The following NAALADL2 variants were observed in gnomAD, a reference collection of about 807,000 sequenced individuals.
The protein encoded by NAALADL2 is inactive N-acetylated-alpha-linked acidic dipeptidase-like protein 2.
In NAALADL2, 76 loss-of-function variants were observed where a neutral mutation model predicts 87.2. That is an observed-to-expected ratio of 0.87 (90% CI 0.72 to 1.05). The LOEUF (loss-of-function observed/expected upper bound fraction) is 1.05, where lower values mean the gene tolerates loss of function less well. Among genes scored for constraint, NAALADL2 ranks in the 50% least tolerant of loss-of-function variants. The pLI is 0.00. For missense variants in NAALADL2, 1,089 were observed against 945.8 expected (o/e 1.15, Z -1.99); for synonymous variants, 354 against 331.0 (o/e 1.07, Z -0.75).
At chr3:175,277,465 G>C (rs1279832039) in intron 4 of NAALADL2, among the ~76,000 whole-genome samples, 1 of 152,008 alleles carries the variant, frequency 6.6e-6, no homozygotes, top group Non-Finnish European at 1.5e-5. Flanking sequence ...AAACCAATAC[G>C]GGACAGTGAA....
chr3:174,890,834 T>TA (rs1730788105), intron 1 of NAALADL2, among the ~76,000 whole-genome samples: 2 of 152,160 alleles, frequency 1.3e-5, no homozygotes, highest in Non-Finnish European at 1.5e-5. Context: ...AGGAAAATCA[T>TA]AAAAAATATT....
upstream of NAALADL2, among the ~76,000 whole-genome samples, chr3:174,855,999 T>TG (rs1725828568): frequency 3.0e-5 from 4 of 131,928 alleles, no homozygotes; most frequent in African/African-American, 8.5e-5. Flanking sequence ...TATATATATA[T>TG]ATATGAGAGA....
At chr3:175,756,971 A>G in intron 13 of NAALADL2, among the ~76,000 whole-genome samples, 1 of 151,254 alleles carries the variant, frequency 6.6e-6, no homozygotes, top group Middle Eastern at 3.6e-3. Flanking sequence ...TATAATATAC[A>G]TATGTATATA....
chr3:174,514,516 T>A lies in NAALADL2; in HGVS notation c.-183-36053T>A, dbSNP rs188044969. Among the ~76,000 whole-genome samples, 522 of 152,328 alleles carry A rather than the reference T, an allele frequency of 3.4e-3. 8 individuals carry two copies. Among genetic ancestry groups the A allele is most frequent in the African/African-American group, 0.012 (491 of 41,582 alleles). ...CAAGGATTATGTATGTTTTTATTTG[T>A]TTCACTATCAAGAGAGTTGACTAAT... is the stretch of plus-strand genomic sequence containing the variant. On this transcript the variant is annotated intron_variant, in intron 1 of 3. Transcript: ENST00000434257.
At chr3:174,954,310 C>T (rs1421880112) in intron 1 of NAALADL2, among the ~76,000 whole-genome samples, 1 of 152,032 alleles carries the variant, frequency 6.6e-6, no homozygotes. Context: ...AACTTGAATG[C>T]AACTGTTTGT....
intron 1 of NAALADL2, among the ~76,000 whole-genome samples, chr3:174,899,958 C>A (rs981271328): frequency 1.9e-4 from 29 of 151,810 alleles, no homozygotes; most frequent in African/African-American, 5.8e-4. Flanking sequence ...AGTGTAGGTT[C>A]TTTAAATAAA....
intron 5 of NAALADL2, among the ~76,000 whole-genome samples, chr3:175,328,473 G>A (rs1349407617): frequency 1.3e-5 from 2 of 151,874 alleles, no homozygotes; most frequent in African/African-American, 2.4e-5. Flanking sequence ...GAGGCAGAGA[G>A]TGTTTCGTAG....
intron 1 of NAALADL2, among the ~76,000 whole-genome samples, chr3:175,005,718 A>C (rs1219017357): frequency 6.6e-6 from 1 of 152,220 alleles, no homozygotes; most frequent in Non-Finnish European, 1.5e-5. Flanking sequence ...CATCTGAGAC[A>C]AATATAACAA....
chr3:174,652,236 A>C (rs1391528932), intron 2 of NAALADL2, among the ~76,000 whole-genome samples: 1 of 152,218 alleles, frequency 6.6e-6, no homozygotes, highest in East Asian at 1.9e-4. Context: ...CTGAGCTGTC[A>C]GTTAATTATA....
intron 2 of NAALADL2, among the ~76,000 whole-genome samples, chr3:174,606,875 C>T (rs926362559): frequency 2.0e-5 from 3 of 152,120 alleles, no homozygotes; most frequent in Non-Finnish European, 4.4e-5. Flanking sequence ...TCGTCAGATT[C>T]ACCAAAGTTG....
intron 11 of NAALADL2, among the ~76,000 whole-genome samples, chr3:175,630,474 A>AT (rs1194442327): frequency 6.6e-6 from 1 of 151,748 alleles, no homozygotes; most frequent in African/African-American, 2.4e-5. Context: ...CTATTAACTC[A>AT]TTAAAAAAAA....
intron 2 of NAALADL2, among the ~76,000 whole-genome samples, chr3:174,553,395 T>G (rs943203558): frequency 1.2e-4 from 18 of 152,172 alleles, no homozygotes; most frequent in African/African-American, 4.1e-4. Flanking sequence ...TCTTATAAGC[T>G]TAAGCTATGC....
intron 3 of NAALADL2, among the ~76,000 whole-genome samples, chr3:174,797,298 C>CTTTTTTTTTTTTTTTTTGTTTTTTTTTTT (rs765233495): frequency 1.0e-5 from 1 of 97,728 alleles, no homozygotes; most frequent in African/African-American, 4.7e-5. Flanking sequence ...TTTTGTTTTT[C>CTTTTTTTTTTTTTTTTTGTTTTTTTTTTT]TTTTTTCTTT....
At chr3:175,500,402 C>G (rs1582146326) in intron 9 of NAALADL2, among the ~76,000 whole-genome samples, 1 of 151,838 alleles carries the variant, frequency 6.6e-6, no homozygotes, top group East Asian at 1.9e-4. Flanking sequence ...GGCAAAAAGG[C>G]ACAGAAGTAG....
chr3:175,769,617 G>A (rs907620701), intron 13 of NAALADL2, among the ~76,000 whole-genome samples: 2 of 152,110 alleles, frequency 1.3e-5, no homozygotes, highest in Non-Finnish European at 2.9e-5. Flanking sequence ...TGGAAAAAAC[G>A]GAAAAATTAG....
At chr3:174,996,824 T>C (rs1292148411) in intron 1 of NAALADL2, among the ~76,000 whole-genome samples, 1 of 152,070 alleles carries the variant, frequency 6.6e-6, no homozygotes, top group East Asian at 1.9e-4. Context: ...AAGTTTATTA[T>C]GTTATTCTTA....
At chr3:174,677,726 A>G (rs1016915843) in intron 2 of NAALADL2, among the ~76,000 whole-genome samples, 5 of 152,116 alleles carry the variant, frequency 3.3e-5, no homozygotes, top group Non-Finnish European at 7.4e-5. Context: ...CACTGAACTC[A>G]TGGTCGATAG....
Position 175,372,980 on chromosome 3 carries a change from T to C in NAALADL2, c.1090+48655T>C, listed in dbSNP as rs1435172609. 2.6e-5 allele frequency among the ~76,000 whole-genome samples: 4 copies of C among 152,316 alleles called. No homozygotes were observed. The East Asian group carries it at 7.7e-4, about 29-fold the overall frequency. On this transcript the variant is annotated intron_variant, in intron 5 of 13. Transcript: ENST00000454872. ...TATTACGTTTGTGGCCAGACAGTGG[T>C]CATACTGTCTCCTGATCTGTACTTA...
At chr3:175,771,833 A>G (rs1749525127) in intron 13 of NAALADL2, among the ~76,000 whole-genome samples, 1 of 152,166 alleles carries the variant, frequency 6.6e-6, no homozygotes, top group African/African-American at 2.4e-5. Flanking sequence ...AAGAGGTTTA[A>G]TTACTCACAG....
Sources: gnomAD v4.1 joint callset for allele counts (sites outside exome capture counted in the v4.1 genomes callset) on GRCh38, gnomAD v4.1.1 for gene constraint, MANE v1.5 for transcripts, NCBI Gene and HGNC (gene_info 2026-07-23, HGNC 2026-07-21) for gene names.